The following NREP variants were observed in gnomAD, a reference collection of about 807,000 sequenced individuals.
The protein encoded by NREP is neuronal regeneration related protein.
NREP carries 5 observed loss-of-function variants against 8.6 expected under a neutral mutation model. The ratio of observed to expected loss-of-function variants is 0.58; its 90% CI spans 0.30 to 1.22. NREP has a LOEUF of 1.22. NREP is among the 50% of genes most tolerant of loss of function. The pLI is 0.07. For synonymous variants in NREP, 27 were observed against 28.0 expected (o/e 0.96, Z 0.11); for missense variants, 86 against 82.5 (o/e 1.04, Z -0.17).
chr5:111,930,039 G>T (rs1755493199), intron 2 of NREP, among the ~76,000 whole-genome samples: 1 of 152,164 alleles, frequency 6.6e-6, no homozygotes, highest in Non-Finnish European at 1.5e-5. Context: ...ATGACAGACT[G>T]CTGGAGAGCT....
At chr5:111,856,906 G>C (rs971109478) in intron 2 of NREP, among the ~76,000 whole-genome samples, 11 of 152,130 alleles carry the variant, frequency 7.2e-5, no homozygotes, top group African/African-American at 2.7e-4. Flanking sequence ...ACATGCAGTT[G>C]TCGTCTACTC....
chr5:111,835,848 T>G (rs1752880166), intron 2 of NREP, among the ~76,000 whole-genome samples: 1 of 152,100 alleles, frequency 6.6e-6, no homozygotes. Flanking sequence ...ACAAAATGAT[T>G]TCTTGACCAG....
intron 2 of NREP, among the ~76,000 whole-genome samples, chr5:111,919,917 A>AAGAAAGAAAGAT (rs1755183797): frequency 6.8e-6 from 1 of 147,642 alleles, no homozygotes; most frequent in Non-Finnish European, 1.5e-5. Flanking sequence ...GAAAGAAAGA[A>AAGAAAGAAAGAT]AGATCTGAAC....
intron 2 of NREP, among the ~76,000 whole-genome samples, chr5:111,807,127 AC>A (rs987355993): frequency 2.0e-5 from 3 of 151,902 alleles, no homozygotes; most frequent in African/African-American, 4.8e-5. Context: ...AAACAAAAAA[AC>A]AAAAAAAAAA....
At chr5:111,930,303 C>T (rs1755500788) in intron 2 of NREP, among the ~76,000 whole-genome samples, 1 of 152,132 alleles carries the variant, frequency 6.6e-6, no homozygotes, top group Non-Finnish European at 1.5e-5. Flanking sequence ...GGACAAATTC[C>T]ACTCCATCTG....
chr5:111,928,183 G>T (rs368087657), intron 2 of NREP, among the ~76,000 whole-genome samples: 98 of 150,998 alleles, frequency 6.5e-4, no homozygotes, highest in African/African-American at 2.3e-3. Flanking sequence ...TCCCCTAAAA[G>T]AATTTTGCAA....
chr5:111,851,784 G>A (rs558872663), intron 2 of NREP, among the ~76,000 whole-genome samples: 1 of 152,108 alleles, frequency 6.6e-6, no homozygotes, highest in East Asian at 1.9e-4. Context: ...GTGTTCTAAT[G>A]ACACAAAATA....
chr5:111,811,257 T>A (rs111692449), intron 2 of NREP, among the ~76,000 whole-genome samples: 7 of 152,314 alleles, frequency 4.6e-5, no homozygotes, highest in Non-Finnish European at 1.0e-4. Context: ...CCTTCTGAAT[T>A]TGCCCCTTCT....
At chr5:111,861,294 C>T (rs1290755412) in intron 2 of NREP, among the ~76,000 whole-genome samples, 1 of 152,140 alleles carries the variant, frequency 6.6e-6, no homozygotes, top group African/African-American at 2.4e-5. Context: ...CTGCCCAGGT[C>T]TTTGCCCCCA....
At chr5:111,812,639 G>T (rs898958152) in intron 2 of NREP, among the ~76,000 whole-genome samples, 2 of 151,970 alleles carry the variant, frequency 1.3e-5, no homozygotes, top group Non-Finnish European at 2.9e-5. Context: ...CCTCTAAAAA[G>T]TCACACCAAT....
intron 2 of NREP, among the ~76,000 whole-genome samples, chr5:111,795,963 G>A (rs959919859): frequency 4.6e-5 from 7 of 152,168 alleles, no homozygotes; most frequent in Non-Finnish European, 1.5e-5. Context: ...CTTAACCACT[G>A]TATTAGTCTC....
intron 2 of NREP, among the ~76,000 whole-genome samples, chr5:111,860,559 GTCTC>G (rs548247189): frequency 6.6e-6 from 1 of 151,386 alleles, no homozygotes; most frequent in Non-Finnish European, 1.5e-5. Context: ...CCAGAGTCCA[GTCTC>G]TCTCTCTCTC....
rs1160548320 is a variant in NREP at position 111,749,651 on chromosome 5, G to T, written c.3+6119C>A. 2.6e-5 allele frequency among the ~76,000 whole-genome samples: 4 copies of T among 152,130 alleles called. No individual in the cohort carries two copies. In the East Asian group the frequency reaches 7.7e-4, roughly 29 times the overall value. On this transcript the variant is annotated intron_variant, in intron 2 of 3. Coordinates refer to ENST00000257435, the MANE Select transcript of NREP (RefSeq NM_004772.4). ...AAAGAGAAAAGCAGCTAGGTACATG[G>T]GGGTGCAACTGATTAGCACATGCCA... is the stretch of plus-strand genomic sequence containing the variant.
chr5:111,828,031 G>A (rs1461485980), intron 2 of NREP, among the ~76,000 whole-genome samples: 1 of 151,452 alleles, frequency 6.6e-6, no homozygotes, highest in East Asian at 1.9e-4. Flanking sequence ...ATTTCCTTTA[G>A]AATTTTTTTT....
chr5:111,935,627 T>C (rs868498473), intron 2 of NREP, among the ~76,000 whole-genome samples: 6 of 152,052 alleles, frequency 3.9e-5, no homozygotes, highest in South Asian at 2.1e-4. Context: ...AGTTTGAATA[T>C]AGACAAAAAT....
intron 2 of NREP, among the ~76,000 whole-genome samples, chr5:111,891,491 T>G (rs1581196667): frequency 1.3e-5 from 2 of 152,328 alleles, no homozygotes; most frequent in East Asian, 3.9e-4. Context: ...ATTTCCATAT[T>G]TTCAGATATC....
At chr5:111,794,692 T>G (rs575788355) in intron 2 of NREP, among the ~76,000 whole-genome samples, 39 of 152,224 alleles carry the variant, frequency 2.6e-4, no homozygotes, top group Non-Finnish European at 4.6e-4. Flanking sequence ...GAGGGATGAA[T>G]AGGTGAGTAC....
At chr5:111,954,701 T>C (rs1756260989) in intron 2 of NREP, among the ~76,000 whole-genome samples, 1 of 152,094 alleles carries the variant, frequency 6.6e-6, no homozygotes. Context: ...GTAATAAATA[T>C]GTAAAATAGA....
chr5:111,806,299 C>G (rs1752139640), intron 2 of NREP, among the ~76,000 whole-genome samples: 1 of 152,102 alleles, frequency 6.6e-6, no homozygotes, highest in African/African-American at 2.4e-5. Context: ...ATGGCACAGG[C>G]TTGATAACAA....
Sources: allele counts gnomAD v4.1 joint callset (sites outside exome capture counted in the v4.1 genomes callset), GRCh38; gene constraint gnomAD v4.1.1; transcripts MANE v1.5; gene names NCBI Gene and HGNC (gene_info 2026-07-23, HGNC 2026-07-21).